Variants in EPS15L1 observed in about 807,000 individuals in gnomAD.
The protein encoded by EPS15L1 is epidermal growth factor receptor substrate 15-like 1.
In EPS15L1, 43 loss-of-function variants were observed where a neutral mutation model predicts 117.1. The ratio of observed to expected loss-of-function variants is 0.37; its 90% CI spans 0.29 to 0.47. The LOEUF (loss-of-function observed/expected upper bound fraction) is 0.47, where lower values mean the gene tolerates loss of function less well. EPS15L1 is among the 20% of genes least tolerant of loss of function. EPS15L1 has a pLI of 0.99. For missense variants in EPS15L1, 981 were observed against 1,164.0 expected (o/e 0.84, Z 2.29); for synonymous variants, 459 against 470.5 (o/e 0.98, Z 0.32).
At chr19:16,439,229 T>C (rs996831293) in intron 4 of EPS15L1, among the ~76,000 whole-genome samples, 1 of 151,818 alleles carries the variant, frequency 6.6e-6, no homozygotes, top group African/African-American at 2.4e-5. Flanking sequence ...GTGTAGAGGA[T>C]CATAAGAGGG....
chr19:16,413,819 A>G lies in EPS15L1; in HGVS notation c.1220T>C (p.Ile407Thr). The G allele has an allele frequency of 1.2e-6, 2 of 1,613,790 alleles. No homozygotes were observed. Among genetic ancestry groups the G allele is most frequent in the Non-Finnish European group, 1.7e-6 (2 of 1,179,680 alleles). The change falls in exon 13 of 24, where the codon ATT becomes ACT. Residue 407 changes from isoleucine to threonine, a missense_variant. This residue lies in a region of EPS15L1 where 819 missense variants were observed against 949.0 expected (regional missense o/e 0.86). Transcript: ENST00000455140. ...QREKYSLEQDIREKEEAIRQK... is the reference protein window; with the variant it reads ...QREKYSLEQDTREKEEAIRQK... ...TCTGATTGCCTCTTCCTTTTCTCGA[A>G]TGTCTTGTTCCAGTGAATATTTCTC...
chr19:16,471,140 T>G lies in EPS15L1; in HGVS notation c.33+773A>C, dbSNP rs1198221596. Among the ~76,000 whole-genome samples the G allele has an allele frequency of 6.6e-6, 1 of 152,190 alleles. No individual in the cohort carries two copies. Among genetic ancestry groups the G allele is most frequent in the Non-Finnish European group, 1.5e-5 (1 of 68,032 alleles). ...CAAATAAAGGCAGCTGTGATTAGCATAACACAGGTAGTTTCTAGTTCCCAC... is the reference window on the plus strand; with the variant it reads ...CAAATAAAGGCAGCTGTGATTAGCAGAACACAGGTAGTTTCTAGTTCCCAC... On this transcript the variant is annotated intron_variant, in intron 1 of 23. Transcript: ENST00000455140. The surrounding 1 kb of genome is among the most constrained non-coding windows in gnomAD (Gnocchi z 4.8).
At chr19:16,466,172 G>A (rs1182499137) in intron 1 of EPS15L1, among the ~76,000 whole-genome samples, 1 of 152,036 alleles carries the variant, frequency 6.6e-6, no homozygotes, top group Non-Finnish European at 1.5e-5. Context: ...TATTTTAGTA[G>A]AGACAGGGTT....
intron 22 of EPS15L1, among the ~76,000 whole-genome samples, chr19:16,366,741 C>T (rs375678729): frequency 4.6e-5 from 7 of 152,256 alleles, no homozygotes; most frequent in South Asian, 2.1e-4. Flanking sequence ...GTGCCCGGTC[C>T]AGCTCTCGAC....
chr19:16,439,997 G>A (rs1253503610), intron 4 of EPS15L1, among the ~76,000 whole-genome samples: 1 of 147,980 alleles, frequency 6.8e-6, no homozygotes, highest in Non-Finnish European at 1.5e-5. Flanking sequence ...GAATCCAGAG[G>A]GCAGAGGCTG....
At chr19:16,378,777 G>A (rs988578279) in intron 21 of EPS15L1, among the ~76,000 whole-genome samples, 20 of 152,212 alleles carry the variant, frequency 1.3e-4, no homozygotes, top group Admixed American at 2.6e-4. Flanking sequence ...GGAAGGGGCT[G>A]GGGTGTCCCA....
At chr19:16,437,369 TGA>T (rs1331066705) in intron 5 of EPS15L1, among the ~76,000 whole-genome samples, 1 of 152,130 alleles carries the variant, frequency 6.6e-6, no homozygotes, top group Non-Finnish European at 1.5e-5. Flanking sequence ...AACACGATGC[TGA>T]GAGAGAGGCC....
intron 21 of EPS15L1, among the ~76,000 whole-genome samples, chr19:16,379,780 C>T (rs1267450882): frequency 1.3e-5 from 2 of 152,088 alleles, no homozygotes; most frequent in Non-Finnish European, 2.9e-5. Flanking sequence ...CACACCAGTG[C>T]AGAGGTCTAA....
intron 16 of EPS15L1, among the ~76,000 whole-genome samples, chr19:16,396,834 G>A (rs543581038): frequency 1.3e-5 from 2 of 152,264 alleles, no homozygotes; most frequent in African/African-American, 4.8e-5. Context: ...AGAGGCTGCT[G>A]AGTGAAATCA....
At chr19:16,406,841 T>G (rs1049920979) in intron 13 of EPS15L1, among the ~76,000 whole-genome samples, 3 of 152,224 alleles carry the variant, frequency 2.0e-5, no homozygotes, top group African/African-American at 7.2e-5. Context: ...GAATGTCTGT[T>G]GTTGAAATTC....
chr19:16,455,996 T>C (rs2093191829), intron 1 of EPS15L1, among the ~76,000 whole-genome samples: 1 of 152,002 alleles, frequency 6.6e-6, no homozygotes. Context: ...AGGTCAGGAG[T>C]TCGAGACCAG....
intron 4 of EPS15L1, among the ~76,000 whole-genome samples, chr19:16,440,292 G>A (rs2145067198): frequency 6.6e-6 from 1 of 152,106 alleles, no homozygotes; most frequent in East Asian, 1.9e-4. Flanking sequence ...AATTAGCCAG[G>A]CATGATGGTT....
chr19:16,377,130 G>A lies in EPS15L1; in HGVS notation c.2372C>T (p.Pro791Leu), dbSNP rs755226520. 45 of 1,603,490 alleles carry A rather than the reference G, an allele frequency of 2.8e-5. No individual in the cohort carries two copies. The highest frequency in any genetic ancestry group is 2.6e-4 in the South Asian group (23 of 89,724). The part of the protein sequence containing the change: ...PKKPAPPRPK[P>L]PSGKSTPVSQ... ...GAAGAAAGCTTACTGACCGCTGGGC[G>A]GTTTAGGCCGTGGAGGAGCAGGTTT... Residue 791 changes from proline (P) to leucine (L), a missense_variant, in exon 22 of 24, where the codon CCG becomes CTG. Physicochemically the swap from Pro to Leu is moderately conservative, Grantham distance 98. Transcript: ENST00000455140.
chr19:16,455,651 C>T (rs2145150951), intron 1 of EPS15L1, among the ~76,000 whole-genome samples: 1 of 152,306 alleles, frequency 6.6e-6, no homozygotes, highest in African/African-American at 2.4e-5. Context: ...GGATTTGAGT[C>T]CTGTCCTGCT....
intron 4 of EPS15L1, among the ~76,000 whole-genome samples, chr19:16,438,345 C>T (rs1327332688): frequency 6.6e-6 from 1 of 152,016 alleles, no homozygotes; most frequent in African/African-American, 2.4e-5. Flanking sequence ...AAGAGCAAAA[C>T]TCCGTCTCAA....
At chr19:16,440,066 CAAA>C (rs34503524) in intron 4 of EPS15L1, among the ~76,000 whole-genome samples, 2 of 74,816 alleles carry the variant, frequency 2.7e-5, no homozygotes, top group Non-Finnish European at 2.9e-5. Flanking sequence ...ACTCTGTCTC[CAAA>C]AAAAAAAAAA....
At chr19:16,433,057 C>T (rs555003180) in intron 7 of EPS15L1, among the ~76,000 whole-genome samples, 9 of 152,102 alleles carry the variant, frequency 5.9e-5, no homozygotes, top group South Asian at 4.1e-4. Flanking sequence ...GTAATCTGCC[C>T]GCCCCAGCCT....
intron 1 of EPS15L1, among the ~76,000 whole-genome samples, chr19:16,459,830 G>T (rs2093231583): frequency 6.6e-6 from 1 of 152,168 alleles, no homozygotes; most frequent in African/African-American, 2.4e-5. Context: ...GTGAGTTGCA[G>T]GTGTAAAATC....
chr19:16,457,864 TGGGGGGGAGGGGG>T (rs2093211993), intron 1 of EPS15L1, among the ~76,000 whole-genome samples: 1 of 150,482 alleles, frequency 6.6e-6, no homozygotes. Flanking sequence ...CACCCAAGAC[TGGGGGGGAGGGGG>T]GAACACCGAG....
Sources: gnomAD v4.1 joint callset for allele counts (sites outside exome capture counted in the v4.1 genomes callset) on GRCh38, gnomAD v4.1.1 for gene constraint, gnomAD v4.1.1 regional missense constraint, Gnocchi (gnomAD v3.1) non-coding constraint, MANE v1.5 for transcripts, NCBI Gene and HGNC (gene_info 2026-07-23, HGNC 2026-07-21) for gene names.